The following TSBP1 variants were observed in gnomAD, a reference collection of about 807,000 sequenced individuals.
The protein encoded by TSBP1 is testis-expressed basic protein 1.
In TSBP1, 56 loss-of-function variants were observed where a neutral mutation model predicts 68.8. The ratio of observed to expected loss-of-function variants is 0.81; its 90% CI spans 0.66 to 1.02. The LOEUF (loss-of-function observed/expected upper bound fraction) is 1.02, where lower values mean the gene tolerates loss of function less well. Among genes scored for constraint, TSBP1 ranks in the 50% least tolerant of loss-of-function variants. TSBP1 has a pLI of 0.00. For missense variants in TSBP1, 502 were observed against 641.2 expected (o/e 0.78, Z 2.34); for synonymous variants, 171 against 208.7 (o/e 0.82, Z 1.56).
chr6:32,324,653 T>A (rs1188883698), intron 16 of TSBP1: 1 of 1,550,726 alleles, frequency 6.4e-7, no homozygotes, highest in African/African-American at 1.4e-5. Context: ...CACATAGACT[T>A]ACTGATTGTG....
chr6:32,335,525 C>G lies in TSBP1; in HGVS notation c.452-68G>C. Reference sequence around the variant, plus strand: ...TTTATATATACTTTTTATTTATATACTTTAATTTGTATACTTTCCCTAGTA... The same window carrying G: ...TTTATATATACTTTTTATTTATATAGTTTAATTTGTATACTTTCCCTAGTA... On this transcript the variant is annotated intron_variant, in intron 13 of 22. Transcript: ENST00000612031. The surrounding 1 kb of genome is among the most constrained non-coding windows in gnomAD (Gnocchi z 5.5). 1 of 1,081,952 alleles carries G rather than the reference C, an allele frequency of 9.2e-7. No individual in the cohort carries two copies. The highest frequency in any genetic ancestry group is 1.2e-6 in the Non-Finnish European group (1 of 833,318). 67.0% of individuals were successfully genotyped at this position (1,081,952 alleles called of 1,614,324 possible).
intron 9 of TSBP1, 174 bp downstream of exon 9, chr6:32,349,566 T>TAAA: frequency 1.7e-6 from 1 of 575,690 alleles, no homozygotes; most frequent in East Asian, 2.8e-5. Flanking sequence ...AACTTGCATT[T>TAAA]ACTTTTGACT....
At chr6:32,352,378 T>C (rs942656152) in intron 8 of TSBP1, among the ~76,000 whole-genome samples, 1 of 151,772 alleles carries the variant, frequency 6.6e-6, no homozygotes, top group South Asian at 2.1e-4. Context: ...AAAGAAAAGT[T>C]AAATAGTACA....
chr6:32,370,407 G>GTGTGTGTATATATATA (rs1241237254), intron 1 of TSBP1, among the ~76,000 whole-genome samples: 15 of 130,708 alleles, frequency 1.1e-4, no homozygotes, highest in Middle Eastern at 7.6e-3. Context: ...AAGATTTTCT[G>GTGTGTGTATATATATA]TATATATATA....
Position 32,326,006 on chromosome 6 carries a change from G to A in TSBP1, c.515-2392C>T, listed in dbSNP as rs929002173. Reference sequence around the variant, plus strand: ...GGTGGTGGAAGCTACAATGATTTTGGCAATTACAACAATCAGTCTTCAAAT... The same window carrying A: ...GGTGGTGGAAGCTACAATGATTTTGACAATTACAACAATCAGTCTTCAAAT... On this transcript the variant is annotated intron_variant, in intron 16 of 22. Coordinates refer to ENST00000612031, the Ensembl canonical transcript of TSBP1. The A allele has an allele frequency of 1.2e-5, 19 of 1,540,674 alleles. No individual in the cohort carries two copies. The African/African-American group carries it at 1.8e-4, about 14-fold the overall frequency.
intron 7 of TSBP1, 55 bp from the exon 8 acceptor site, chr6:32,355,199 T>G: frequency 6.4e-7 from 1 of 1,559,236 alleles, no homozygotes; most frequent in Non-Finnish European, 8.8e-7. Flanking sequence ...GGATCCCTAA[T>G]CTTTACATAT....
In TSBP1 at chr6:32,338,387, G is replaced by A. The variant is rs138310207; in HGVS notation, c.409+592C>T. On this transcript the variant is annotated intron_variant, in intron 11 of 22. Transcript: ENST00000612031. The surrounding 1 kb of genome is among the most constrained non-coding windows in gnomAD (Gnocchi z 5.5). Reference sequence around the variant, plus strand: ...TGGCAAAATCTCAGATCATATAAAAGTCATTGTTTCCATTTACCATTTTTT... The same window carrying A: ...TGGCAAAATCTCAGATCATATAAAAATCATTGTTTCCATTTACCATTTTTT... Among the ~76,000 whole-genome samples, 13 of 152,150 alleles carry A rather than the reference G, an allele frequency of 8.5e-5. No homozygotes were observed. The highest frequency in any genetic ancestry group is 7.4e-5 in the Non-Finnish European group (5 of 67,988).
chr6:32,340,559 T>A lies in TSBP1; in HGVS notation c.350-921A>T, dbSNP rs1770211666. Among the ~76,000 whole-genome samples the A allele has an allele frequency of 6.6e-6, 1 of 152,234 alleles. No homozygotes were observed. The highest frequency in any genetic ancestry group is 6.5e-5 in the Admixed American group (1 of 15,282). On this transcript the variant is annotated intron_variant, in intron 9 of 22. Transcript: ENST00000612031. This position sits in a 1 kb window ranked among gnomAD's most constrained non-coding sequence, Gnocchi z 4.8. ...CTTAATTTTTTAAGATTTAAGATAT[T>A]AACCTATGTTAGGAGTGACAAGTAT...
chr6:32,350,260 T>G, intron 8 of TSBP1: 3 of 441,696 alleles, frequency 6.8e-6, no homozygotes, highest in Non-Finnish European at 1.3e-5. Flanking sequence ...CCTATGGAGA[T>G]GAAGAATAGC....
At chr6:32,311,337 A>C (rs1766380827) in intron 19 of TSBP1, among the ~76,000 whole-genome samples, 1 of 152,182 alleles carries the variant, frequency 6.6e-6, no homozygotes, top group South Asian at 2.1e-4. Context: ...GCCTTTTGAT[A>C]TAGAGTATAT....
At position 32,365,304 on chromosome 6, in the gene TSBP1, G is replaced by A. The variant is rs1391766223; in HGVS notation, c.217+863C>T. 1 of 456,840 alleles carries A rather than the reference G, an allele frequency of 2.2e-6. No homozygotes were observed. The highest frequency in any genetic ancestry group is 4.4e-6 in the Non-Finnish European group (1 of 227,030). 28.3% of individuals were successfully genotyped at this position (456,840 alleles called of 1,614,324 possible). A position where few individuals can be genotyped will look rare whatever the true frequency, so the allele number is the denominator to read the frequency against. On this transcript the variant is annotated intron_variant, in intron 6 of 22. Coordinates refer to ENST00000612031, the Ensembl canonical transcript of TSBP1. This position sits in a 1 kb window ranked among gnomAD's most constrained non-coding sequence, Gnocchi z 4.3. ...GGTGCTCTGGAATTCTCAAGTTTGT[G>A]TCCTTTTTTCCAATCCCACAAAGTC...
chr6:32,360,578 T>C (rs986722443), intron 6 of TSBP1, among the ~76,000 whole-genome samples: 3 of 152,224 alleles, frequency 2.0e-5, no homozygotes, highest in African/African-American at 7.2e-5. Context: ...GTAGCATTCC[T>C]GAATCATATG....
chr6:32,349,479 T>C (rs1338931077), intron 9 of TSBP1: 5 of 402,590 alleles, frequency 1.2e-5, no homozygotes, highest in Non-Finnish European at 2.2e-5. Flanking sequence ...TTTGCTCTTA[T>C]CCTTTATTTA....
intron 22 of TSBP1, among the ~76,000 whole-genome samples, chr6:32,299,102 G>C (rs1236460426): frequency 6.6e-6 from 1 of 152,192 alleles, no homozygotes; most frequent in East Asian, 1.9e-4. Flanking sequence ...GTGTTAGTAT[G>C]GGAAGAGTGG....
intron 9 of TSBP1, among the ~76,000 whole-genome samples, chr6:32,349,195 CTTTTTT>C (rs9279592): frequency 7.4e-6 from 1 of 134,386 alleles, no homozygotes; most frequent in African/African-American, 2.7e-5. Context: ...CCATTTCTTT[CTTTTTT>C]TTTTTTTTTT....
chr6:32,302,742 T>TA lies in TSBP1; in HGVS notation c.581-114dup. On this transcript the variant is annotated intron_variant, in intron 19 of 22. Coordinates refer to ENST00000612031, the Ensembl canonical transcript of TSBP1. The surrounding 1 kb of genome is among the most constrained non-coding windows in gnomAD (Gnocchi z 5.1). ...TTTTCTAGGGTACCATAAAGACTTCTAGCAGAATACAATGAAATATGATGA... is the reference window on the plus strand; with the variant it reads ...TTTTCTAGGGTACCATAAAGACTTCTAAGCAGAATACAATGAAATATGATGA... The TA allele has an allele frequency of 1.4e-6, 1 of 705,546 alleles. No homozygotes were observed. Among genetic ancestry groups the TA allele is most frequent in the African/African-American group, 1.9e-5 (1 of 53,448 alleles). The allele number at this position is 705,546 out of a possible 1,614,324, so 43.7% of individuals were successfully genotyped here.
rs1249826647 is a variant in TSBP1, at chr6:32,302,780, C to G, written c.581-151G>C. On this transcript the variant is annotated intron_variant, in intron 19 of 22. Transcript: ENST00000612031. The surrounding 1 kb of genome is among the most constrained non-coding windows in gnomAD (Gnocchi z 5.1). ...TGAAATATGATGAGACAACAGATCC[C>G]TTAGTGTGTTATAAGAACCTGACAG... 1 of 608,952 alleles carries G rather than the reference C, an allele frequency of 1.6e-6. No homozygotes were observed. The highest frequency in any genetic ancestry group is 2.0e-5 in the African/African-American group (1 of 50,964). 37.7% of individuals were successfully genotyped at this position (608,952 alleles called of 1,614,324 possible).
intron 18 of TSBP1, chr6:32,320,046 T>A: frequency 2.3e-6 from 1 of 428,158 alleles, no homozygotes. Context: ...TTGTTGGGGC[T>A]TGTGAGGTAT....
intron 19 of TSBP1, among the ~76,000 whole-genome samples, chr6:32,305,001 G>A (rs551119890): frequency 6.6e-6 from 1 of 152,108 alleles, no homozygotes; most frequent in Non-Finnish European, 1.5e-5. Context: ...GGCAGGGCAG[G>A]TCTCGCTAAC....
Sources: gnomAD v4.1 joint callset for allele counts (sites outside exome capture counted in the v4.1 genomes callset) on GRCh38, gnomAD v4.1.1 for gene constraint, Gnocchi (gnomAD v3.1) non-coding constraint, MANE v1.5 for transcripts, NCBI Gene and HGNC (gene_info 2026-07-23, HGNC 2026-07-21) for gene names.